The following RPGRIP1 variants were observed in gnomAD, a reference collection of about 807,000 sequenced individuals.
RPGRIP1 encodes the protein RPGR interacting protein 1, also known as X-linked retinitis pigmentosa GTPase regulator-interacting protein 1.
A neutral mutation model predicts 157.9 loss-of-function variants in RPGRIP1; 128 were observed. The ratio of observed to expected loss-of-function variants is 0.81; its 90% CI spans 0.70 to 0.94. The LOEUF is 0.94. Ranked by LOEUF, RPGRIP1 falls within the 40% of genes least tolerant of loss-of-function variation. RPGRIP1 has a pLI of 0.00. For missense variants in RPGRIP1, 1,486 were observed against 1,545.8 expected, an observed-to-expected ratio of 0.96 and a Z score of 0.65; for synonymous variants, 554 against 571.6, an observed-to-expected ratio of 0.97 and a Z score of 0.44.
At chr14:21,349,377 A>G (rs1275902612) in intron 24 of RPGRIP1, among the ~76,000 whole-genome samples, 1 of 141,184 alleles carries the variant, frequency 7.1e-6, no homozygotes, top group African/African-American at 2.6e-5. Flanking sequence ...GCCTCCTTAA[A>G]TATAATTACT....
At chr14:21,302,757 G>A (rs532080328) in intron 5 of RPGRIP1, 173 bp downstream of exon 5, 74 of 415,954 alleles carry the variant, frequency 1.8e-4, no homozygotes, top group South Asian at 1.8e-3. Flanking sequence ...GAAAACAAGC[G>A]TCTCTCTGTT....
intron 24 of RPGRIP1, among the ~76,000 whole-genome samples, chr14:21,349,880 T>C (rs553528227): frequency 1.6e-4 from 24 of 152,352 alleles, no homozygotes; most frequent in Non-Finnish European, 2.6e-4. Context: ...GGGACTGCGC[T>C]GTCCAGTCTT....
At position 21,324,149 on chromosome 14, in the gene RPGRIP1, A is replaced by G. The variant is rs1250098569; in HGVS notation, c.1763-469A>G. 4.0e-5 allele frequency: 8 copies of G among 199,502 alleles called. No homozygotes were observed. The South Asian group carries it at 6.1e-4, about 15-fold the overall frequency. 12.4% of individuals were successfully genotyped at this position (199,502 alleles called of 1,614,324 possible). A position where few individuals can be genotyped will look rare whatever the true frequency, so the allele number is the denominator to read the frequency against. ...GATCTCCTGACTGACCTGGCTAGAG[A>G]AGGAGAAGCATTTCTTGGTGGGACT... is the stretch of plus-strand genomic sequence containing the variant. On this transcript the variant is annotated intron_variant, in intron 14 of 24. Transcript: ENST00000400017.
In RPGRIP1 at chr14:21,343,093, G is replaced by A. The variant is rs1269439681; in HGVS notation, c.3397G>A (p.Val1133Met). The change falls in exon 22 of 25, where the codon GTG becomes ATG. Residue 1133 changes from valine (V) to methionine (M), a missense_variant. Val to Met is a conservative substitution (Grantham distance 21). Transcript: ENST00000400017. ...VSLAFYPEAE[V>M]MSDENIKQVY... ...CCTGGCCTTCTACCCAGAGGCAGAAGTGATGTCTGATGAGAACATAAAACA... is the reference window on the plus strand; with the variant it reads ...CCTGGCCTTCTACCCAGAGGCAGAAATGATGTCTGATGAGAACATAAAACA... The A allele has an allele frequency of 1.2e-6, 2 of 1,613,742 alleles. No individual in the cohort carries two copies.
chr14:21,319,444 A>G (rs1046003381), intron 11 of RPGRIP1, among the ~76,000 whole-genome samples: 4 of 152,138 alleles, frequency 2.6e-5, no homozygotes, highest in Non-Finnish European at 5.9e-5. Flanking sequence ...CGCCTGTAAT[A>G]CCAGCTACTC....
At chr14:21,323,196 C>A (rs975184768) in intron 14 of RPGRIP1, among the ~76,000 whole-genome samples, 1 of 151,866 alleles carries the variant, frequency 6.6e-6, no homozygotes, top group African/African-American at 2.4e-5. Flanking sequence ...ACGAGGCGGG[C>A]GGATTGCCTG....
rs992116440 is a variant in RPGRIP1, at chr14:21,333,093, T to G, written c.3239-1512T>G. ...CCAGCCTGGGCAACAAGAGCAATGC[T>G]TCATTTCAAAACAAAAACAAAACAA... On this transcript the variant is annotated intron_variant, in intron 20 of 24. Coordinates refer to ENST00000400017, the MANE Select transcript of RPGRIP1 (RefSeq NM_020366.4). 5.9e-5 allele frequency among the ~76,000 whole-genome samples: 9 copies of G among 152,276 alleles called. No individual in the cohort carries two copies. In the East Asian group the frequency reaches 1.2e-3, roughly 20 times the overall value.
At chr14:21,324,146 G>A (rs1882792775) in intron 14 of RPGRIP1, 1 of 198,538 alleles carries the variant, frequency 5.0e-6, no homozygotes, top group African/African-American at 2.4e-5. Flanking sequence ...GACCTGGCTA[G>A]AGAAGGAGAA....
chr14:21,345,075 A>G (rs771464033), intron 22 of RPGRIP1, 38 bp from the exon 23 acceptor site: 10 of 1,336,542 alleles, frequency 7.5e-6, no homozygotes, highest in African/African-American at 5.7e-5. Flanking sequence ...CTGCAACAGT[A>G]TATGATTCTT....
In RPGRIP1 at chr14:21,348,301, C is replaced by T; in HGVS notation, c.3747C>T (p.Asp1249=). Residue 1249 remains aspartate (D), a splice_region_variant and synonymous_variant, in exon 24 of 25, where the codon GAC becomes GAT. Coordinates refer to ENST00000400017, the MANE Select transcript of RPGRIP1 (RefSeq NM_020366.4). ...GAGATATTCTAGAGCAAGAGCTAGA[C>T]AGTGAGTCATTTTTTTTTCAGTTCT... ...SGRDILEQEL[D]IVSPEDLATP... is the part of the protein sequence containing the mutation. 6.4e-7 allele frequency: 1 copy of T among 1,557,662 alleles called. No individual in the cohort carries two copies.
At chr14:21,348,072 A>G in intron 23 of RPGRIP1, 100 bp from the exon 24 acceptor site, 1 of 1,004,148 alleles carries the variant, frequency 1.0e-6, no homozygotes, top group Non-Finnish European at 1.4e-6. Flanking sequence ...AAAGTGATTC[A>G]GAGAAGACGT....
Position 21,302,583 on chromosome 14 carries a change from C to G in RPGRIP1, c.586C>G (p.Leu196Val). Residue 196 changes from leucine (L) to valine (V), a missense_variant and splice_region_variant, in exon 5 of 25, where the codon CTT (leucine) becomes GTT (valine). By Grantham distance (32) the Leu-to-Val change is conservative. Transcript: ENST00000400017. ...RGEVASKPSE[L>V]VSGSNSIISF... ...TGAAGTAGCCAGTAAACCCAGTGAACTGTGAGTTCTTCTCATTTATCCCAT... is the reference window on the plus strand; with the variant it reads ...TGAAGTAGCCAGTAAACCCAGTGAAGTGTGAGTTCTTCTCATTTATCCCAT... The G allele has an allele frequency of 2.6e-6, 4 of 1,538,336 alleles. No individual in the cohort carries two copies. Among genetic ancestry groups the G allele is most frequent in the Non-Finnish European group, 3.5e-6 (4 of 1,131,264 alleles).
In RPGRIP1 at chr14:21,348,131, A is replaced by C. The variant is rs375225952; in HGVS notation, c.3618-41A>C. 3 of 1,454,626 alleles carry C rather than the reference A, an allele frequency of 2.1e-6. No individual in the cohort carries two copies. In the East Asian group the frequency reaches 7.4e-5, roughly 36 times the overall value. 90.1% of individuals were successfully genotyped at this position (1,454,626 alleles called of 1,614,324 possible). On this transcript the variant is annotated intron_variant, in intron 23 of 24. Transcript: ENST00000400017. ...TCCTTATTTTATTTTTGAAGCATTA[A>C]GAGTATCAACAGTGCTGAATTAAAT...
In RPGRIP1 at chr14:21,300,975, C is replaced by G. The variant is rs763830176; in HGVS notation, c.228C>G (p.Thr76=). The G allele has an allele frequency of 6.2e-6, 10 of 1,612,708 alleles. No homozygotes were observed. The East Asian group carries it at 2.0e-4, about 32-fold the overall frequency. Residue 76 remains threonine, a synonymous_variant, in exon 4 of 25, where the codon ACC becomes ACG. Transcript: ENST00000400017. ...CTCTATTTGTCCACAGGCTGAGGAC[C>G]ACCTTGCTGCGGTTGACCGCTGCTG... The part of the protein sequence containing the change: ...KQQDEIKRLR[T]TLLRLTAAGR...
At chr14:21,287,875 T>G in intron 1 of RPGRIP1, 64 bp from the exon 2 acceptor site, 1 of 722,176 alleles carries the variant, frequency 1.4e-6, no homozygotes, top group Non-Finnish European at 2.4e-6. Flanking sequence ...CTACAACTTA[T>G]GTACACGTTT....
chr14:21,280,391 T>C (rs925080688), intron 1 of RPGRIP1, among the ~76,000 whole-genome samples: 3 of 151,872 alleles, frequency 2.0e-5, no homozygotes, highest in African/African-American at 7.3e-5. Context: ...ACTACAGGCA[T>C]GCGCCACCAT....
At chr14:21,330,154 AG>A (rs1428970331) in intron 19 of RPGRIP1, 94 bp from the exon 20 acceptor site, 7 of 778,992 alleles carry the variant, frequency 9.0e-6, no homozygotes, top group Non-Finnish European at 1.3e-5. Context: ...AAAAATAAAA[AG>A]AGCTAATATT....
At chr14:21,290,220 A>G (rs1034726644) in intron 2 of RPGRIP1, among the ~76,000 whole-genome samples, 2 of 152,100 alleles carry the variant, frequency 1.3e-5, no homozygotes, top group African/African-American at 4.8e-5. Context: ...CGGTAACACT[A>G]GTTTAACATT....
At chr14:21,317,655 C>G (rs1181561268) in intron 10 of RPGRIP1, 41 bp from the exon 11 acceptor site, 2 of 1,560,550 alleles carry the variant, frequency 1.3e-6, no homozygotes, top group East Asian at 2.4e-5. Context: ...CATATCACAC[C>G]CCTTGGGGTA....
Sources: gnomAD v4.1 joint callset for allele counts (sites outside exome capture counted in the v4.1 genomes callset) on GRCh38, gnomAD v4.1.1 for gene constraint, MANE v1.5 for transcripts, NCBI Gene and HGNC (gene_info 2026-07-23, HGNC 2026-07-21) for gene names.